Variants in TASP1 observed in about 807,000 individuals in gnomAD.
The protein encoded by TASP1 is threonine aspartase 1.
A neutral mutation model predicts 56.6 loss-of-function variants in TASP1; 16 were observed. The observed-to-expected ratio is 0.28, with a 90% confidence interval of 0.19 to 0.43. The LOEUF (loss-of-function observed/expected upper bound fraction) is 0.43, where lower values mean the gene tolerates loss of function less well. TASP1 is among the 20% of genes least tolerant of loss of function. The pLI, the probability that TASP1 is intolerant of heterozygous loss-of-function variation, is 1.00. For synonymous variants in TASP1, 179 were observed against 184.2 expected (o/e 0.97, Z 0.23); for missense variants, 393 against 511.6 (o/e 0.77, Z 2.24).
the TASP1 span, among the ~76,000 whole-genome samples, chr20:13,263,700 G>A: frequency 6.6e-6 from 1 of 152,210 alleles, no homozygotes; most frequent in African/African-American, 2.4e-5. Flanking sequence ...GTTTGAATGT[G>A]GAAGGCGCAC....
At chr20:13,358,094 T>A in the TASP1 span, among the ~76,000 whole-genome samples, 1 of 151,958 alleles carries the variant, frequency 6.6e-6, no homozygotes, top group Non-Finnish European at 1.5e-5. Context: ...TGGCTCATCC[T>A]GGCTCAAAAA....
the TASP1 span, among the ~76,000 whole-genome samples, chr20:13,232,530 T>G: frequency 6.6e-6 from 1 of 152,284 alleles, no homozygotes; most frequent in South Asian, 2.1e-4. Flanking sequence ...ACCATATGTT[T>G]ACCCATTGAC....
the TASP1 span, among the ~76,000 whole-genome samples, chr20:13,120,634 A>G: frequency 6.6e-6 from 1 of 152,206 alleles, no homozygotes; most frequent in Non-Finnish European, 1.5e-5. Flanking sequence ...AGTTTTATAT[A>G]TTAGCAACCA....
At chr20:13,126,557 T>C in the TASP1 span, 1 of 1,610,884 alleles carries the variant, frequency 6.2e-7, no homozygotes, top group Non-Finnish European at 8.5e-7. Context: ...GAGATTTATT[T>C]GCCTTCTTTT....
chr20:13,250,549 G>A, the TASP1 span, among the ~76,000 whole-genome samples: 7 of 152,104 alleles, frequency 4.6e-5, no homozygotes, highest in Non-Finnish European at 1.0e-4. Flanking sequence ...CATTGGAATC[G>A]CCTGGGGATC....
chr20:13,266,917 G>C, the TASP1 span, among the ~76,000 whole-genome samples: 6 of 152,186 alleles, frequency 3.9e-5, no homozygotes, highest in African/African-American at 1.4e-4. Flanking sequence ...GGACCTCCAA[G>C]GGGGGCTCTG....
chr20:13,372,483 T>TTACA, the TASP1 span, among the ~76,000 whole-genome samples: 1 of 151,706 alleles, frequency 6.6e-6, no homozygotes, highest in African/African-American at 2.4e-5. Context: ...AATCCTTATT[T>TTACA]TATATATATA....
At chr20:13,416,478 G>C (rs1309084288) in intron 13 of TASP1, among the ~76,000 whole-genome samples, 2 of 152,112 alleles carry the variant, frequency 1.3e-5, no homozygotes, top group African/African-American at 4.8e-5. Flanking sequence ...GGAGCTACAG[G>C]CTGGCTGGAT....
chr20:13,515,235 A>C (rs2044477531), intron 10 of TASP1, among the ~76,000 whole-genome samples: 1 of 152,152 alleles, frequency 6.6e-6, no homozygotes, highest in African/African-American at 2.4e-5. Flanking sequence ...ATGCTAGACC[A>C]AATGGTCGGT....
At chr20:13,154,008 CAG>C in the TASP1 span, 1 of 1,613,852 alleles carries the variant, frequency 6.2e-7, no homozygotes, top group Non-Finnish European at 8.5e-7. Context: ...TTCAGGGCTG[CAG>C]AGAGTACAGC....
the TASP1 span, chr20:13,132,800 A>T: frequency 6.6e-6 from 1 of 151,992 alleles, no homozygotes; most frequent in Non-Finnish European, 1.5e-5. Flanking sequence ...TCCTAAAAAG[A>T]CTTTCCTTGC....
the TASP1 span, among the ~76,000 whole-genome samples, chr20:13,240,274 A>T: frequency 6.6e-6 from 1 of 152,246 alleles, no homozygotes. Flanking sequence ...GAATAAAGGA[A>T]TTATTATAGA....
intron 4 of TASP1, among the ~76,000 whole-genome samples, chr20:13,587,778 T>G (rs536556635): frequency 3.1e-4 from 46 of 149,880 alleles, no homozygotes; most frequent in Non-Finnish European, 5.5e-4. Context: ...CACCCTTTCA[T>G]GAGAAAAACA....
At chr20:13,274,493 T>C in the TASP1 span, among the ~76,000 whole-genome samples, 1 of 152,196 alleles carries the variant, frequency 6.6e-6, no homozygotes, top group African/African-American at 2.4e-5. Context: ...TCTCCCTAGC[T>C]GGAGCCTGGG....
chr20:13,394,589 G>A (rs1460290458), intron 13 of TASP1, among the ~76,000 whole-genome samples: 2 of 151,752 alleles, frequency 1.3e-5, no homozygotes, highest in Non-Finnish European at 1.5e-5. Flanking sequence ...TCCAGCCTGG[G>A]CGACAGAGCG....
intron 4 of TASP1, among the ~76,000 whole-genome samples, chr20:13,618,503 T>C (rs1312354520): frequency 6.6e-6 from 1 of 152,202 alleles, no homozygotes; most frequent in African/African-American, 2.4e-5. Context: ...ACCTACTTTC[T>C]TTCTCTTACA....
the TASP1 span, among the ~76,000 whole-genome samples, chr20:13,353,328 A>G: frequency 2.0e-5 from 3 of 151,142 alleles, no homozygotes; most frequent in Admixed American, 6.6e-5. Flanking sequence ...TCATTTGAGT[A>G]TCTTCCTGAT....
At chr20:13,242,413 T>C in the TASP1 span, among the ~76,000 whole-genome samples, 45 of 152,126 alleles carry the variant, frequency 3.0e-4, no homozygotes, top group Non-Finnish European at 5.0e-4. Context: ...AAGTCAGGAG[T>C]TAGCCATGGA....
chr20:13,477,400 A>C (rs2042983941), intron 11 of TASP1, among the ~76,000 whole-genome samples: 1 of 152,166 alleles, frequency 6.6e-6, no homozygotes, highest in African/African-American at 2.4e-5. Flanking sequence ...ATTCAAAGAA[A>C]AAAAAGAAGT....
Sources: gnomAD v4.1 joint callset for allele counts (sites outside exome capture counted in the v4.1 genomes callset) on GRCh38, gnomAD v4.1.1 for gene constraint, MANE v1.5 for transcripts, NCBI Gene and HGNC (gene_info 2026-07-23, HGNC 2026-07-21) for gene names.